CD163L1: variants seen among roughly 807,000 people sequenced by gnomAD.
CD163L1 encodes the protein CD163 molecule like 1.
A neutral mutation model predicts 165.4 loss-of-function variants in CD163L1; 124 were observed. The observed-to-expected ratio is 0.75, with a 90% CI of 0.65 to 0.87. The LOEUF (loss-of-function observed/expected upper bound fraction) is 0.87. Ranked by LOEUF, CD163L1 falls within the 40% of genes least tolerant of loss-of-function variation. The pLI, the probability that CD163L1 is intolerant of heterozygous loss-of-function variation, is 0.00. For missense variants in CD163L1, 1,525 were observed against 1,799.9 expected, an observed-to-expected ratio of 0.85 and a Z score of 2.76; for synonymous variants, 585 against 662.2, an observed-to-expected ratio of 0.88 and a Z score of 1.79.
intron 18 of CD163L1, among the ~76,000 whole-genome samples, chr12:7,362,172 C>T (rs1946906493): frequency 7.0e-6 from 1 of 143,512 alleles, no homozygotes; most frequent in African/African-American, 2.5e-5. Flanking sequence ...TTATATATTA[C>T]TTATATAAAT....
the CD163L1 span, among the ~76,000 whole-genome samples, chr12:7,330,863 G>A: frequency 3.3e-5 from 5 of 152,140 alleles, no homozygotes; most frequent in East Asian, 1.9e-4. Flanking sequence ...CATGAGTGAC[G>A]CAGAAGACGG....
In CD163L1 at chr12:7,392,121, AT is replaced by A. The variant is rs200605738; in HGVS notation, c.2050+3973del. ...TCCACAGCAAATCAACAGAATATAT[AT>A]TCTTCTCAGCATTAGATCACACTTA... On this transcript the variant is annotated intron_variant, in intron 8 of 19. Coordinates refer to ENST00000313599, the MANE Select transcript of CD163L1 (RefSeq NM_174941.6). 3.7e-3 allele frequency among the ~76,000 whole-genome samples: 568 copies of A among 152,350 alleles called. 28 individuals are homozygous for A. The East Asian group carries it at 0.071, about 19-fold the overall frequency.
chr12:7,403,899 A>C, intron 5 of CD163L1, 44 bp from the exon 6 acceptor site: 3 of 1,549,472 alleles, frequency 1.9e-6, no homozygotes, highest in Non-Finnish European at 2.6e-6. Flanking sequence ...GGTTTGGGAC[A>C]ATATCATCAG....
intron 2 of CD163L1, chr12:7,440,015 AAAACCCGCTGC>A: frequency 4.1e-6 from 6 of 1,449,904 alleles, no homozygotes; most frequent in Non-Finnish European, 5.7e-6. Flanking sequence ...ACCGCCGAGG[AAAACCCGCTGC>A]GACACACACC....
chr12:7,335,269 G>C, the CD163L1 span, among the ~76,000 whole-genome samples: 2 of 152,254 alleles, frequency 1.3e-5, no homozygotes, highest in South Asian at 4.1e-4. Flanking sequence ...AACCAAAACA[G>C]CATGGTACTG....
chr12:7,339,507 C>T, the CD163L1 span, among the ~76,000 whole-genome samples: 1 of 152,128 alleles, frequency 6.6e-6, no homozygotes, highest in African/African-American at 2.4e-5. Flanking sequence ...TGCCCTTCAC[C>T]TCTGGGTTAT....
At chr12:7,380,439 T>A (rs1473371896) in intron 8 of CD163L1, among the ~76,000 whole-genome samples, 2 of 131,992 alleles carry the variant, frequency 1.5e-5, no homozygotes, top group Non-Finnish European at 3.5e-5. Context: ...GATGGAATAC[T>A]ACTCAGCCAT....
intron 8 of CD163L1, among the ~76,000 whole-genome samples, chr12:7,387,159 T>C (rs900307229): frequency 2.6e-5 from 4 of 151,896 alleles, no homozygotes; most frequent in African/African-American, 9.7e-5. Flanking sequence ...CAAAAGTGAG[T>C]AGCATTTCTA....
At chr12:7,399,538 TCTTTCTTTCTTG>T (rs1243248218) in intron 6 of CD163L1, among the ~76,000 whole-genome samples, 3 of 146,714 alleles carry the variant, frequency 2.0e-5, no homozygotes, top group South Asian at 2.2e-4. Context: ...TCTCTTTCTT[TCTTTCTTTCTTG>T]CTTTCTTTCT....
intron 18 of CD163L1, among the ~76,000 whole-genome samples, chr12:7,363,012 A>G (rs1432761894): frequency 6.6e-6 from 1 of 152,058 alleles, no homozygotes; most frequent in African/African-American, 2.4e-5. Context: ...ACTGAAATAT[A>G]TGGGATACAG....
chr12:7,363,347 G>A (rs940595800), intron 18 of CD163L1, among the ~76,000 whole-genome samples: 6 of 151,662 alleles, frequency 4.0e-5, no homozygotes, highest in Non-Finnish European at 7.4e-5. Flanking sequence ...TACAAATAAA[G>A]AGGCTAATGG....
rs1451076830 is a variant in CD163L1, at chr12:7,432,608, C to A, written c.574G>T (p.Val192Leu). Residue 192 changes from valine to leucine, a missense_variant, in exon 4 of 20, where the codon GTG becomes TTG. Physicochemically the swap from Val to Leu is conservative, Grantham distance 32. Coordinates refer to ENST00000313599, the MANE Select transcript of CD163L1 (RefSeq NM_174941.6). This position sits in a 1 kb window ranked among gnomAD's most constrained non-coding sequence, Gnocchi z 4.2. ...GATGGACATCCTAGTTGCCTGCACA[C>A]CACGGCAGCAGTATTCAAGTTCCAC... ...DGWNLNTAAV[V>L]CRQLGCPSSF... is the part of the protein sequence containing the mutation. 2 of 1,614,206 alleles carry A rather than the reference C, an allele frequency of 1.2e-6. No homozygotes were observed. Among genetic ancestry groups the A allele is most frequent in the Non-Finnish European group, 1.7e-6 (2 of 1,180,046 alleles).
In CD163L1 at chr12:7,440,090, GGAAGCCGACCAATGGCGGGCTT is replaced by G. The variant is rs1310952951; in HGVS notation, c.124+1042_124+1063del. The G allele has an allele frequency of 3.2e-6, 3 of 945,162 alleles. No homozygotes were observed. The African/African-American group carries it at 4.8e-5, about 15-fold the overall frequency. 58.5% of individuals were successfully genotyped at this position (945,162 alleles called of 1,614,324 possible). On this transcript the variant is annotated intron_variant, in intron 2 of 19. Coordinates refer to ENST00000313599, the MANE Select transcript of CD163L1 (RefSeq NM_174941.6). ...CCCTACTCCACATCAGCGGCGTAAC[GGAAGCCGACCAATGGCGGGCTT>G]GGACCCGCCGCGCCAGCGTGGCCAC...
Position 7,379,131 on chromosome 12 carries a change from A to G in CD163L1, c.2218T>C (p.Ser740Pro). ...QLECGSAIRV[S>P]REPHFTERTL... ...CTTTCTGTGAAATGAGGCTCTCTGG[A>G]GACCCTGATTGCAGACCCACATTCA... The change falls in exon 9 of 20, where the codon TCC becomes CCC. Residue 740 changes from serine (S) to proline (P), a missense_variant. Coordinates refer to ENST00000313599, the MANE Select transcript of CD163L1 (RefSeq NM_174941.6). The G allele has an allele frequency of 6.2e-7, 1 of 1,614,176 alleles. No homozygotes were observed.
At chr12:7,348,811 ATG>A (rs1270736730) in intron 4 of CD163L1, among the ~76,000 whole-genome samples, 10 of 109,932 alleles carry the variant, frequency 9.1e-5, no homozygotes, top group African/African-American at 3.0e-4. Flanking sequence ...AGTCCTTGTT[ATG>A]TTTTTTTTTT....
the CD163L1 span, among the ~76,000 whole-genome samples, chr12:7,339,184 T>A: frequency 6.6e-6 from 1 of 152,160 alleles, no homozygotes; most frequent in African/African-American, 2.4e-5. Context: ...AATTATAATC[T>A]TATATACAAT....
At chr12:7,423,751 C>T (rs1159936052) in intron 4 of CD163L1, among the ~76,000 whole-genome samples, 2 of 152,120 alleles carry the variant, frequency 1.3e-5, no homozygotes, top group East Asian at 1.9e-4. Context: ...AATTCCTGGA[C>T]ACATACCCCC....
At chr12:7,392,349 A>G (rs750450252) in intron 8 of CD163L1, among the ~76,000 whole-genome samples, 1 of 152,356 alleles carries the variant, frequency 6.6e-6, no homozygotes, top group East Asian at 1.9e-4. Flanking sequence ...AAATGAAGGC[A>G]GAAATAAAGA....
rs766981681 is a variant in CD163L1 at position 7,379,038 on chromosome 12, G to A, written c.2311C>T (p.Arg771Ter). The A allele has an allele frequency of 8.7e-6, 14 of 1,613,910 alleles. No homozygotes were observed. Among genetic ancestry groups the A allele is most frequent in the Middle Eastern group, 1.6e-4 (1 of 6,084 alleles). The change falls in exon 9 of 20, where the codon CGA (arginine) becomes TGA (stop). Residue 771 changes from arginine to a stop codon, truncating the protein, a stop_gained. Transcript: ENST00000313599. LOFTEE classifies it high-confidence loss of function. ...CACGCAGTCTGTTTCCACTCCCATC[G>A]TATACAATCCCAGAGAGAGGCTTCC... is the stretch of plus-strand genomic sequence containing the variant. Reference protein sequence around the residue: ...GGEASLWDCIRWEWKQTACHL... With the variant: ...GGEASLWDCI
Sources: gnomAD v4.1 joint callset for allele counts (sites outside exome capture counted in the v4.1 genomes callset) on GRCh38, gnomAD v4.1.1 for gene constraint, Gnocchi (gnomAD v3.1) non-coding constraint, MANE v1.5 for transcripts, NCBI Gene and HGNC (gene_info 2026-07-23, HGNC 2026-07-21) for gene names.